PSMD12: variants seen among roughly 807,000 people sequenced by gnomAD.
PSMD12 encodes proteasome 26S subunit, non-ATPase 12.
PSMD12 carries 8 observed loss-of-function variants against 62.9 expected under a neutral mutation model. The observed-to-expected ratio is 0.13, with a 90% confidence interval of 0.07 to 0.23. PSMD12 has a LOEUF of 0.23. Among genes scored for constraint, PSMD12 ranks in the 10% least tolerant of loss-of-function variants. PSMD12 has a pLI of 1.00. For synonymous variants in PSMD12, 173 were observed against 187.4 expected (o/e 0.92, Z 0.63); for missense variants, 424 against 550.2 (o/e 0.77, Z 2.29).
chr17:67,359,453 T>C (rs1238399946), intron 1 of PSMD12, among the ~76,000 whole-genome samples: 1 of 152,240 alleles, frequency 6.6e-6, no homozygotes, highest in East Asian at 1.9e-4. Flanking sequence ...AAGAGTATTG[T>C]TTAAAAATTG....
intron 5 of PSMD12, among the ~76,000 whole-genome samples, 162 bp from the exon 6 acceptor site, chr17:67,347,647 A>C (rs2041980799): frequency 6.6e-6 from 1 of 152,236 alleles, no homozygotes; most frequent in African/African-American, 2.4e-5. Context: ...TTACCGCTAG[A>C]AAATTACAAT....
rs1318753463 is a variant in PSMD12, at chr17:67,339,297, G to C, written c.*1546C>G. 1 of 151,980 alleles carries C rather than the reference G, an allele frequency of 6.6e-6. No homozygotes were observed. Among genetic ancestry groups the C allele is most frequent in the African/African-American group, 2.4e-5 (1 of 41,380 alleles). 9.4% of individuals were successfully genotyped at this position (151,980 alleles called of 1,614,324 possible). A position where few individuals can be genotyped will look rare whatever the true frequency, so the allele number is the denominator to read the frequency against. On this transcript the variant is annotated 3_prime_UTR_variant, in exon 11 of 11. Transcript: ENST00000356126. ...AAATTTTTGTATTTTTTTTAGTAGA[G>C]ACAGGGTTTTGCCATGTTGGCCAGG...
At chr17:67,344,584 C>T (rs769140431) in intron 9 of PSMD12, 22 bp downstream of exon 9, 1 of 1,498,002 alleles carries the variant, frequency 6.7e-7, no homozygotes, top group South Asian at 1.4e-5. Context: ...TAAAAATTGT[C>T]ATCTCTATGA....
At chr17:67,343,098 A>G (rs1419905268) in intron 9 of PSMD12, among the ~76,000 whole-genome samples, 1 of 152,098 alleles carries the variant, frequency 6.6e-6, no homozygotes, top group Non-Finnish European at 1.5e-5. Flanking sequence ...TCTTATTGGT[A>G]GTATTATTAA....
At chr17:67,350,684 G>A (rs4408579) in intron 3 of PSMD12, among the ~76,000 whole-genome samples, 7,207 of 152,202 alleles carry the variant, frequency 0.047, 544 homozygotes, top group African/African-American at 0.16. Flanking sequence ...AGTGGCAGAG[G>A]CAAAAGGCGA....
chr17:67,364,600 T>G (rs2042162687), intron 1 of PSMD12, among the ~76,000 whole-genome samples: 1 of 152,214 alleles, frequency 6.6e-6, no homozygotes, highest in South Asian at 2.1e-4. Context: ...GCAAATTACT[T>G]GTTTCTTCCT....
Position 67,340,343 on chromosome 17 carries a change from ATCACAAC to A in PSMD12, c.*493_*499del, listed in dbSNP as rs1293671985. The stretch of plus-strand genomic sequence containing the variant: ...ATATCAAAGTACAAATTCTTCACAA[ATCACAAC>A]TCTATCCCAAATGTTCTTGTATGCT... On this transcript the variant is annotated 3_prime_UTR_variant, in exon 11 of 11. Transcript: ENST00000356126. The A allele has an allele frequency of 1.3e-5, 2 of 152,252 alleles. No homozygotes were observed. The highest frequency in any genetic ancestry group is 1.5e-5 in the Non-Finnish European group (1 of 68,226). 9.4% of individuals were successfully genotyped at this position (152,252 alleles called of 1,614,324 possible). A position where few individuals can be genotyped will look rare whatever the true frequency, so the allele number is the denominator to read the frequency against.
chr17:67,361,504 C>T (rs1440033725), intron 1 of PSMD12, among the ~76,000 whole-genome samples: 2 of 152,092 alleles, frequency 1.3e-5, no homozygotes, highest in African/African-American at 4.8e-5. Flanking sequence ...ATCACTTGAA[C>T]CCGGGAACGG....
chr17:67,343,924 G>A (rs556638337), intron 9 of PSMD12, among the ~76,000 whole-genome samples: 50 of 151,820 alleles, frequency 3.3e-4, no homozygotes, highest in Middle Eastern at 3.4e-3. Flanking sequence ...GGCTTGTCTC[G>A]AACTCCTGAC....
chr17:67,366,148 C>T (rs1003849807), intron 1 of PSMD12, among the ~76,000 whole-genome samples: 3 of 152,186 alleles, frequency 2.0e-5, no homozygotes, highest in Non-Finnish European at 4.4e-5. Flanking sequence ...ATCCAAGAAA[C>T]GGCAAAAAGT....
chr17:67,350,750 A>G (rs560799531), intron 3 of PSMD12, among the ~76,000 whole-genome samples: 8 of 152,274 alleles, frequency 5.3e-5, no homozygotes, highest in African/African-American at 1.9e-4. Flanking sequence ...ATTCACCTCA[A>G]TACCATGTGA....
chr17:67,345,683 C>T, intron 8 of PSMD12, 62 bp downstream of exon 8: 1 of 1,423,570 alleles, frequency 7.0e-7, no homozygotes. Flanking sequence ...TTAGGTTAGC[C>T]AATTTTCTTT....
intron 3 of PSMD12, among the ~76,000 whole-genome samples, chr17:67,354,166 T>C (rs1255568274): frequency 6.6e-6 from 1 of 152,208 alleles, no homozygotes; most frequent in South Asian, 2.1e-4. Context: ...TCCCAGAACT[T>C]TGGCAGACAA....
chr17:67,358,587 G>A (rs200503346), intron 1 of PSMD12, among the ~76,000 whole-genome samples: 905 of 81,122 alleles, frequency 0.011, no homozygotes, highest in Middle Eastern at 0.058. Flanking sequence ...AAAAAAAAAA[G>A]AAAAGAAAAA....
At chr17:67,344,570 A>G (rs1308859110) in intron 9 of PSMD12, 36 bp downstream of exon 9, 2 of 1,464,572 alleles carry the variant, frequency 1.4e-6, no homozygotes, top group Non-Finnish European at 1.8e-6. Flanking sequence ...ACTAAAGGTT[A>G]AAATAAAAAT....
At chr17:67,365,848 T>G (rs2042173787) in intron 1 of PSMD12, among the ~76,000 whole-genome samples, 1 of 151,938 alleles carries the variant, frequency 6.6e-6, no homozygotes, top group Non-Finnish European at 1.5e-5. Context: ...CTTCTCGGTG[T>G]TCCAGTAACA....
At chr17:67,343,486 C>T (rs1189518060) in intron 9 of PSMD12, among the ~76,000 whole-genome samples, 2 of 152,124 alleles carry the variant, frequency 1.3e-5, no homozygotes, top group Non-Finnish European at 2.9e-5. Context: ...GCTGCCCTCC[C>T]TTGTTCCTGT....
Position 67,339,014 on chromosome 17 carries a change from T to G in PSMD12, c.*1829A>C, listed in dbSNP as rs962174687. ...ATTAGCTCCAATTTTATTTACATGT[T>G]AACAATACACAATTTTATCTTCTAT... is the stretch of plus-strand genomic sequence containing the variant. On this transcript the variant is annotated 3_prime_UTR_variant, in exon 11 of 11. Coordinates refer to ENST00000356126, the MANE Select transcript of PSMD12 (RefSeq NM_002816.5). 2.0e-5 allele frequency: 3 copies of G among 152,204 alleles called. No homozygotes were observed. Among genetic ancestry groups the G allele is most frequent in the Admixed American group, 6.5e-5 (1 of 15,280 alleles). The allele number at this position is 152,204 out of a possible 1,614,324, so 9.4% of individuals were successfully genotyped here. A position where few individuals can be genotyped will look rare whatever the true frequency, so the allele number is the denominator to read the frequency against.
intron 3 of PSMD12, among the ~76,000 whole-genome samples, chr17:67,353,265 T>C (rs1049351699): frequency 1.3e-5 from 2 of 152,140 alleles, no homozygotes; most frequent in African/African-American, 4.8e-5. Flanking sequence ...TTAAGCAATT[T>C]AGAAAAGGTT....
Sources: allele counts gnomAD v4.1 joint callset (sites outside exome capture counted in the v4.1 genomes callset), GRCh38; gene constraint gnomAD v4.1.1; transcripts MANE v1.5; gene names NCBI Gene and HGNC (gene_info 2026-07-23, HGNC 2026-07-21).